Variants in FGF13 observed in about 807,000 individuals in gnomAD.
The protein encoded by FGF13 is fibroblast growth factor 13.
Under a neutral mutation model 19.5 loss-of-function variants are expected in FGF13, and 2 were observed. The ratio of observed to expected loss-of-function variants is 0.10; its 90% CI spans 0.04 to 0.32. The LOEUF (loss-of-function observed/expected upper bound fraction) is 0.32, where lower values mean the gene tolerates loss of function less well. Ranked by LOEUF, FGF13 falls within the 10% of genes least tolerant of loss-of-function variation. FGF13 has a pLI of 1.00. For synonymous variants in FGF13, 72 were observed against 76.9 expected, an observed-to-expected ratio of 0.94 and a Z score of 0.33; for missense variants, 113 against 192.7, an observed-to-expected ratio of 0.59 and a Z score of 2.45.
intron 1 of FGF13, among the ~76,000 whole-genome samples, chrX:138,970,497 A>G (rs1336058011): frequency 9.0e-6 from 1 of 111,503 alleles, no homozygotes; most frequent in Non-Finnish European, 1.9e-5. Context: ...TAGGCTACAG[A>G]AACAGTATCA....
upstream of FGF13, among the ~76,000 whole-genome samples, chrX:138,742,492 C>A (rs1400529744): frequency 3.8e-5 from 2 of 52,256 alleles, no homozygotes; most frequent in African/African-American, 1.2e-4. Flanking sequence ...GCAAGGGGCT[C>A]TCTCTCTCTC....
chrX:139,105,035 G>A lies in FGF13; in HGVS notation c.-113+98381C>T, dbSNP rs181642895. Among the ~76,000 whole-genome samples the A allele has an allele frequency of 1.0e-4, 11 of 109,168 alleles. No individual in the cohort carries two copies. In the East Asian group the frequency reaches 2.9e-3, roughly 28 times the overall value. The allele number at this position is 109,168 out of a possible 115,157, so 94.8% of individuals were successfully genotyped here. ...AAGTTTTTTTTTTCATTTTAAAATC[G>A]TTATTCTTCTTCATTGTATTTTACC... On this transcript the variant is annotated intron_variant, in intron 1 of 2. Coordinates refer to the FGF13 transcript ENST00000421460.
intron 1 of FGF13, among the ~76,000 whole-genome samples, chrX:138,869,285 C>A (rs1248681008): frequency 8.9e-6 from 1 of 111,882 alleles, no homozygotes; most frequent in Non-Finnish European, 1.9e-5. Flanking sequence ...GAAGCAGATA[C>A]CAATAGGTGG....
intron 3 of FGF13, among the ~76,000 whole-genome samples, chrX:138,820,095 G>C (rs1442200217): frequency 4.5e-5 from 5 of 110,575 alleles, no homozygotes; most frequent in African/African-American, 9.9e-5. Context: ...AATGGTAGGT[G>C]GTACATAGTA....
At chrX:138,811,193 C>G (rs1011319604) in intron 3 of FGF13, among the ~76,000 whole-genome samples, 16 of 111,627 alleles carry the variant, frequency 1.4e-4, no homozygotes, top group Admixed American at 8.6e-4. Context: ...TTGGAACCAA[C>G]CCAAATGTCC....
At chrX:138,821,967 G>A (rs1035895066) in intron 3 of FGF13, among the ~76,000 whole-genome samples, 8 of 111,680 alleles carry the variant, frequency 7.2e-5, no homozygotes, top group African/African-American at 2.6e-4. Flanking sequence ...AGCATTATAG[G>A]TCCTCACATA....
intron 1 of FGF13, among the ~76,000 whole-genome samples, chrX:139,150,886 G>C (rs1331610756): frequency 9.0e-6 from 1 of 111,241 alleles, no homozygotes; most frequent in African/African-American, 3.3e-5. Flanking sequence ...TAGGCCACTT[G>C]TTTCAGCGGC....
chrX:138,911,020 C>A (rs1003317393), intron 1 of FGF13, among the ~76,000 whole-genome samples: 4 of 110,692 alleles, frequency 3.6e-5, no homozygotes, highest in Non-Finnish European at 7.6e-5. Flanking sequence ...CTCAAAGGCC[C>A]CAGCACTAAG....
intron 1 of FGF13, among the ~76,000 whole-genome samples, chrX:139,129,513 A>G: frequency 9.0e-6 from 1 of 110,979 alleles, no homozygotes; most frequent in African/African-American, 3.3e-5. Flanking sequence ...ATTTTTTGTA[A>G]GGGGCACTTG....
At chrX:138,999,914 G>A (rs1379508545) in intron 1 of FGF13, among the ~76,000 whole-genome samples, 1 of 111,961 alleles carries the variant, frequency 8.9e-6, no homozygotes, top group Admixed American at 9.5e-5. Context: ...TATCCACGAT[G>A]AACATCGATG....
At chrX:139,033,334 C>A (rs2092237619) in intron 1 of FGF13, among the ~76,000 whole-genome samples, 1 of 111,693 alleles carries the variant, frequency 9.0e-6, no homozygotes, top group South Asian at 3.7e-4. Flanking sequence ...AAGAGGAAAG[C>A]CAGAAAGTTC....
chrX:138,732,417 CT>C (rs761289057), intron 1 of FGF13, among the ~76,000 whole-genome samples: 2 of 111,987 alleles, frequency 1.8e-5, no homozygotes, highest in African/African-American at 6.5e-5. Flanking sequence ...CATGTAGTGA[CT>C]TACTGATATA....
At chrX:138,836,941 TG>T (rs1184808944) in intron 3 of FGF13, among the ~76,000 whole-genome samples, 2 of 109,851 alleles carry the variant, frequency 1.8e-5, no homozygotes, top group Admixed American at 1.9e-4. Context: ...TGTGGTATTC[TG>T]GGGGTCTGCT....
chrX:138,772,107 C>T (rs776530233), intron 3 of FGF13, among the ~76,000 whole-genome samples: 60 of 94,929 alleles, frequency 6.3e-4, no homozygotes, highest in Non-Finnish European at 7.9e-4. Context: ...ATCACCATGT[C>T]GTATACCTTA....
At chrX:139,054,860 A>ACGTGTTGTGT (rs2092315409) in intron 1 of FGF13, among the ~76,000 whole-genome samples, 2 of 56,324 alleles carry the variant, frequency 3.6e-5, no homozygotes, top group South Asian at 2.7e-3. Flanking sequence ...GTATATTCCT[A>ACGTGTTGTGT]AGTGTTGTGT....
chrX:138,875,431 T>A (rs1340179217), intron 1 of FGF13, among the ~76,000 whole-genome samples: 1 of 111,022 alleles, frequency 9.0e-6, no homozygotes, highest in African/African-American at 3.3e-5. Context: ...CAGAAACTGG[T>A]TGAGTCCATT....
chrX:138,912,661 A>G (rs149257326), intron 1 of FGF13, among the ~76,000 whole-genome samples: 3,885 of 111,397 alleles, frequency 0.035, 163 homozygotes, highest in African/African-American at 0.12. Flanking sequence ...TGGCAAAACT[A>G]CCCAGTTATT....
chrX:138,772,037 T>TATAC, intron 3 of FGF13, among the ~76,000 whole-genome samples: 1 of 84,118 alleles, frequency 1.2e-5, no homozygotes, highest in Middle Eastern at 6.3e-3. Flanking sequence ...TATATATATA[T>TATAC]ATATATATAT....
At chrX:138,660,715 T>C (rs1474574026) in intron 3 of FGF13, among the ~76,000 whole-genome samples, 2 of 111,513 alleles carry the variant, frequency 1.8e-5, no homozygotes, top group African/African-American at 6.5e-5. Context: ...TATCTAACTA[T>C]ATTTTTGTAC....
Sources: gnomAD v4.1 joint callset for allele counts (sites outside exome capture counted in the v4.1 genomes callset) on GRCh38, gnomAD v4.1.1 for gene constraint, MANE v1.5 for transcripts, NCBI Gene and HGNC (gene_info 2026-07-23, HGNC 2026-07-21) for gene names.